The following KCNT2 variants were observed in gnomAD, a reference collection of about 807,000 sequenced individuals.
KCNT2 encodes the protein potassium sodium-activated channel subfamily T member 2, also known as potassium channel subfamily T member 2.
Under a neutral mutation model 153.8 loss-of-function variants are expected in KCNT2, and 67 were observed. The ratio of observed to expected loss-of-function variants is 0.44; its 90% CI spans 0.36 to 0.53. KCNT2 has a LOEUF of 0.53. Ranked by LOEUF, KCNT2 falls within the 20% of genes least tolerant of loss-of-function variation. The pLI is 0.00. For missense variants in KCNT2, 975 were observed against 1,354.8 expected, an observed-to-expected ratio of 0.72 and a Z score of 4.40; for synonymous variants, 500 against 458.8, an observed-to-expected ratio of 1.09 and a Z score of -1.15.
intron 1 of KCNT2, among the ~76,000 whole-genome samples, chr1:196,581,867 T>C (rs993790082): frequency 5.3e-5 from 8 of 152,082 alleles, no homozygotes; most frequent in Non-Finnish European, 1.0e-4. Context: ...AGTAGATGTG[T>C]ACAACATGAA....
At position 196,258,525 on chromosome 1, in the gene KCNT2, T is replaced by C. The variant is rs532307116; in HGVS notation, c.2911-31A>G. The C allele has an allele frequency of 2.0e-5, 26 of 1,298,912 alleles. No individual in the cohort carries two copies. In the African/African-American group the frequency reaches 2.5e-4, roughly 13 times the overall value. The allele number at this position is 1,298,912 out of a possible 1,614,324, so 80.5% of individuals were successfully genotyped here. A position where few individuals can be genotyped will look rare whatever the true frequency, so the allele number is the denominator to read the frequency against. On this transcript the variant is annotated intron_variant, in intron 25 of 27. Transcript: ENST00000294725. ...AAGGAAATAGATATTGATAATTAGA[T>C]ACTTTAGAAATAAATATGGCTTGAA...
intron 25 of KCNT2, among the ~76,000 whole-genome samples, chr1:196,277,175 T>A (rs1658647054): frequency 6.6e-6 from 1 of 152,154 alleles, no homozygotes; most frequent in South Asian, 2.1e-4. Context: ...TATCAATAAC[T>A]TCCTGAACTT....
At chr1:196,550,332 T>C (rs1468595931) in intron 1 of KCNT2, among the ~76,000 whole-genome samples, 1 of 151,910 alleles carries the variant, frequency 6.6e-6, no homozygotes, top group African/African-American at 2.4e-5. Context: ...ATTTGGATTG[T>C]CTAGATTCTT....
At chr1:196,366,048 C>T (rs532186097) in intron 14 of KCNT2, among the ~76,000 whole-genome samples, 24 of 152,212 alleles carry the variant, frequency 1.6e-4, no homozygotes, top group Middle Eastern at 3.4e-3. Context: ...GCCTAGGAGA[C>T]GCTACATGAC....
chr1:196,273,050 T>A (rs753478480), intron 25 of KCNT2, among the ~76,000 whole-genome samples: 2 of 151,888 alleles, frequency 1.3e-5, no homozygotes, highest in East Asian at 3.9e-4. Flanking sequence ...CTGAAATCTA[T>A]AACCTTTTAT....
At chr1:196,601,502 C>A (rs559542027) in intron 1 of KCNT2, among the ~76,000 whole-genome samples, 2 of 152,082 alleles carry the variant, frequency 1.3e-5, no homozygotes, top group Non-Finnish European at 1.5e-5. Flanking sequence ...TGTGAAAGAA[C>A]GATGTCAATG....
At chr1:196,364,790 A>C (rs1667902060) in intron 14 of KCNT2, among the ~76,000 whole-genome samples, 1 of 152,128 alleles carries the variant, frequency 6.6e-6, no homozygotes, top group Non-Finnish European at 1.5e-5. Context: ...TCATTTCACA[A>C]AGAGCATTGC....
intron 14 of KCNT2, among the ~76,000 whole-genome samples, chr1:196,343,758 TG>T (rs1665887573): frequency 6.6e-6 from 1 of 151,414 alleles, no homozygotes; most frequent in African/African-American, 2.4e-5. Context: ...TGTTTTGTTT[TG>T]TTTTGTTTTG....
chr1:196,517,187 G>A (rs1212726415), intron 1 of KCNT2, among the ~76,000 whole-genome samples: 1 of 152,184 alleles, frequency 6.6e-6, no homozygotes, highest in East Asian at 1.9e-4. Context: ...ATTCCATGCA[G>A]GTCCCAGTAC....
intron 1 of KCNT2, among the ~76,000 whole-genome samples, chr1:196,545,893 G>A (rs1657021710): frequency 6.6e-6 from 1 of 151,830 alleles, no homozygotes; most frequent in Non-Finnish European, 1.5e-5. Flanking sequence ...TATCATACTT[G>A]ATTTATTTTT....
chr1:196,366,166 T>C (rs577110365), intron 14 of KCNT2, among the ~76,000 whole-genome samples: 1 of 148,060 alleles, frequency 6.8e-6, no homozygotes, highest in East Asian at 2.0e-4. Context: ...TAATTATTAT[T>C]TTTTTTTTTT....
chr1:196,324,309 A>AT (rs11330510), intron 19 of KCNT2, among the ~76,000 whole-genome samples: 2 of 152,002 alleles, frequency 1.3e-5, no homozygotes, highest in South Asian at 2.1e-4. Flanking sequence ...AGCAACATGT[A>AT]TTTTTTTCAT....
chr1:196,463,449 T>C (rs1404381143), intron 8 of KCNT2, among the ~76,000 whole-genome samples: 1 of 151,764 alleles, frequency 6.6e-6, no homozygotes, highest in African/African-American at 2.4e-5. Context: ...TAAGAATATA[T>C]TATGATACAT....
chr1:196,420,313 C>T (rs888601512), intron 12 of KCNT2, among the ~76,000 whole-genome samples: 3 of 151,900 alleles, frequency 2.0e-5, no homozygotes, highest in African/African-American at 7.2e-5. Flanking sequence ...AGATTGATTT[C>T]TATTTCCAGA....
At chr1:196,593,762 C>T (rs1174404950) in intron 1 of KCNT2, among the ~76,000 whole-genome samples, 11 of 152,046 alleles carry the variant, frequency 7.2e-5, no homozygotes, top group African/African-American at 2.2e-4. Flanking sequence ...TGACTTTCTA[C>T]ACATTTAATA....
chr1:196,590,676 T>A (rs1191154786), intron 1 of KCNT2, among the ~76,000 whole-genome samples: 1 of 152,156 alleles, frequency 6.6e-6, no homozygotes, highest in Non-Finnish European at 1.5e-5. Context: ...TTGATCTACT[T>A]TAAAATTTTA....
intron 12 of KCNT2, among the ~76,000 whole-genome samples, chr1:196,411,121 C>A: frequency 9.4e-6 from 1 of 106,076 alleles, no homozygotes; most frequent in African/African-American, 3.1e-5. Context: ...TTCCTTCCTT[C>A]CTCCCTTCTT....
chr1:196,429,459 G>C, intron 9 of KCNT2, 118 bp downstream of exon 9: 1 of 539,596 alleles, frequency 1.9e-6, no homozygotes, highest in Non-Finnish European at 3.3e-6. Context: ...TGTAATGATA[G>C]TATGTGTTAG....
At chr1:196,346,341 G>T (rs184420921) in intron 14 of KCNT2, among the ~76,000 whole-genome samples, 1 of 152,174 alleles carries the variant, frequency 6.6e-6, no homozygotes. Flanking sequence ...TATGATGAAT[G>T]TATTGAATTT....
Sources: allele counts gnomAD v4.1 joint callset (sites outside exome capture counted in the v4.1 genomes callset), GRCh38; gene constraint gnomAD v4.1.1; transcripts MANE v1.5; gene names NCBI Gene and HGNC (gene_info 2026-07-23, HGNC 2026-07-21).